The following PODXL2 variants were observed in gnomAD, a reference collection of about 807,000 sequenced individuals.
The protein encoded by PODXL2 is podocalyxin like 2.
Under a neutral mutation model 53.4 loss-of-function variants are expected in PODXL2, and 17 were observed. That is an observed-to-expected ratio of 0.32 (90% CI 0.22 to 0.48). PODXL2 has a LOEUF of 0.48. Ranked by LOEUF, PODXL2 falls within the 20% of genes least tolerant of loss-of-function variation. PODXL2 has a pLI of 0.99. For missense variants in PODXL2, 673 were observed against 760.0 expected, an observed-to-expected ratio of 0.89 and a Z score of 1.35; for synonymous variants, 311 against 306.7, an observed-to-expected ratio of 1.01 and a Z score of -0.15.
rs1473160725 is a variant in PODXL2 at position 127,672,735 on chromosome 3, C to T, written c.*255C>T. On this transcript the variant is annotated 3_prime_UTR_variant, in exon 8 of 8. Coordinates refer to ENST00000342480, the MANE Select transcript of PODXL2 (RefSeq NM_015720.4). ...CGCCCCTGAACCCCGGCCCCGCGGG[C>T]GGCGGGCGGCGCTTCCTGCGCCCCG... is the stretch of plus-strand genomic sequence containing the variant. 1.5e-5 allele frequency: 6 copies of T among 408,280 alleles called. No homozygotes were observed. Among genetic ancestry groups the T allele is most frequent in the Non-Finnish European group, 2.6e-5 (6 of 234,694 alleles). The allele number at this position is 408,280 out of a possible 1,614,324, so 25.3% of individuals were successfully genotyped here. A position where few individuals can be genotyped will look rare whatever the true frequency, so the allele number is the denominator to read the frequency against.
chr3:127,639,568 T>C (rs1429096730), intron 2 of PODXL2, 45 bp downstream of exon 2: 1 of 1,539,294 alleles, frequency 6.5e-7, no homozygotes, highest in African/African-American at 1.4e-5. Flanking sequence ...GCCAGCCAAG[T>C]GTCTAGGCAA....
At chr3:127,660,019 G>T (rs1387230451) in intron 2 of PODXL2, among the ~76,000 whole-genome samples, 1 of 152,140 alleles carries the variant, frequency 6.6e-6, no homozygotes, top group African/African-American at 2.4e-5. Flanking sequence ...GTTGTTGTGG[G>T]ATCTTCTTGG....
At position 127,672,721 on chromosome 3, in the gene PODXL2, C is replaced by G. The variant is rs956488358; in HGVS notation, c.*241C>G. 4 of 420,480 alleles carry G rather than the reference C, an allele frequency of 9.5e-6. No individual in the cohort carries two copies. The highest frequency in any genetic ancestry group is 8.3e-6 in the Non-Finnish European group (2 of 242,398). The allele number at this position is 420,480 out of a possible 1,614,324, so 26.0% of individuals were successfully genotyped here. ...TGGCCCCGCTTTCCCGCCCCTGAAC[C>G]CCGGCCCCGCGGGCGGCGGGCGGCG... On this transcript the variant is annotated 3_prime_UTR_variant, in exon 8 of 8. Coordinates refer to ENST00000342480, the MANE Select transcript of PODXL2 (RefSeq NM_015720.4).
At chr3:127,649,250 G>T (rs1430344456) in intron 2 of PODXL2, among the ~76,000 whole-genome samples, 1 of 152,244 alleles carries the variant, frequency 6.6e-6, no homozygotes, top group Non-Finnish European at 1.5e-5. Context: ...GTTCAAGGCT[G>T]CCATGGTCTC....
chr3:127,659,351 C>A (rs1245148036), intron 2 of PODXL2, among the ~76,000 whole-genome samples: 3 of 152,084 alleles, frequency 2.0e-5, no homozygotes, highest in Admixed American at 6.5e-5. Flanking sequence ...CCAGAAATTT[C>A]TCTAAAATGT....
At chr3:127,643,621 T>C (rs529810166) in intron 2 of PODXL2, among the ~76,000 whole-genome samples, 17 of 152,192 alleles carry the variant, frequency 1.1e-4, no homozygotes, top group Non-Finnish European at 2.4e-4. Context: ...TTTTTTTTAA[T>C]GTAAATTCTT....
Position 127,660,780 on chromosome 3 carries a change from C to A in PODXL2, c.752C>A (p.Thr251Asn). Residue 251 changes from threonine (T) to asparagine (N), a missense_variant, in exon 3 of 8, where the codon ACT (threonine) becomes AAT (asparagine). Transcript: ENST00000342480. The part of the protein sequence containing the change: ...PSLLLPSVTP[T>N]TVTPGDQDST... ...TTGCTGCTGCCTTCAGTCACCCCAA[C>A]TACAGTGACTCCGGGGGACCAGGAC... 2 of 1,614,154 alleles carry A rather than the reference C, an allele frequency of 1.2e-6. No homozygotes were observed. Among genetic ancestry groups the A allele is most frequent in the Non-Finnish European group, 1.7e-6 (2 of 1,180,006 alleles).
At chr3:127,660,332 A>C in intron 2 of PODXL2, 46 bp from the exon 3 acceptor site, 4 of 1,588,968 alleles carry the variant, frequency 2.5e-6, no homozygotes, top group Non-Finnish European at 3.4e-6. Context: ...TGAGTAAAGC[A>C]ATGAATGATG....
chr3:127,631,882 G>A (rs2074548961), intron 1 of PODXL2, among the ~76,000 whole-genome samples: 1 of 152,182 alleles, frequency 6.6e-6, no homozygotes, highest in Admixed American at 6.5e-5. Context: ...GAAAAGGAAT[G>A]AAAAACCGGG....
chr3:127,655,587 A>G (rs977665150), intron 2 of PODXL2, among the ~76,000 whole-genome samples: 1 of 152,202 alleles, frequency 6.6e-6, no homozygotes, highest in Non-Finnish European at 1.5e-5. Flanking sequence ...AAAGGGAGAC[A>G]CATGGAGGTT....
intron 2 of PODXL2, among the ~76,000 whole-genome samples, chr3:127,658,301 C>G (rs539779968): frequency 6.6e-6 from 1 of 151,802 alleles, no homozygotes; most frequent in South Asian, 2.1e-4. Flanking sequence ...AGAGCTCTCT[C>G]TGTGTGTTCT....
intron 4 of PODXL2, among the ~76,000 whole-genome samples, chr3:127,663,254 C>A (rs1016166211): frequency 6.6e-6 from 1 of 152,218 alleles, no homozygotes; most frequent in African/African-American, 2.4e-5. Flanking sequence ...ACCAGGGCCC[C>A]TATTCCGGGG....
chr3:127,629,442 C>T lies in PODXL2; in HGVS notation c.70+153C>T, dbSNP rs956519674. 2.0e-5 allele frequency among the ~76,000 whole-genome samples: 3 copies of T among 149,498 alleles called. No homozygotes were observed. Among genetic ancestry groups the T allele is most frequent in the Non-Finnish European group, 4.5e-5 (3 of 67,082 alleles). On this transcript the variant is annotated intron_variant, in intron 1 of 7. Transcript: ENST00000342480. This position sits in a 1 kb window ranked among gnomAD's most constrained non-coding sequence, Gnocchi z 6.4. ...GGCCGCGGCGCCGCCCCGACACACGCGCACGAGGAGTGGGTGCGTGGGGGC... is the reference window on the plus strand; with the variant it reads ...GGCCGCGGCGCCGCCCCGACACACGTGCACGAGGAGTGGGTGCGTGGGGGC...
chr3:127,662,927 G>C (rs986149117), intron 4 of PODXL2, among the ~76,000 whole-genome samples: 1 of 152,200 alleles, frequency 6.6e-6, no homozygotes, highest in Non-Finnish European at 1.5e-5. Flanking sequence ...CTGGGAGCTG[G>C]GGTGGAGAGA....
intron 2 of PODXL2, among the ~76,000 whole-genome samples, chr3:127,650,285 C>G (rs377255671): frequency 1.3e-5 from 2 of 152,132 alleles, no homozygotes; most frequent in South Asian, 2.1e-4. Context: ...GGAAAGAAAC[C>G]TATACAGAAC....
rs2074849755 is a variant in PODXL2 at position 127,672,116 on chromosome 3, A to G, written c.1606-152A>G. The G allele has an allele frequency of 4.8e-6, 3 of 624,140 alleles. No individual in the cohort carries two copies. The Admixed American group carries it at 8.4e-5, about 17-fold the overall frequency. 38.7% of individuals were successfully genotyped at this position (624,140 alleles called of 1,614,324 possible). On this transcript the variant is annotated intron_variant, in intron 7 of 7. Transcript: ENST00000342480. ...ACGACTAGTAGGTTTATTTTGAGAA[A>G]GGAGTTGAGCTGCAGCAACAGAAAA...
Position 127,629,265 on chromosome 3 carries a change from C to T in PODXL2, c.46C>T (p.Pro16Ser). 9.8e-7 allele frequency: 1 copy of T among 1,015,256 alleles called. No homozygotes were observed. Among genetic ancestry groups the T allele is most frequent in the Non-Finnish European group, 1.2e-6 (1 of 849,484 alleles). 62.9% of individuals were successfully genotyped at this position (1,015,256 alleles called of 1,614,324 possible). A position where few individuals can be genotyped will look rare whatever the true frequency, so the allele number is the denominator to read the frequency against. ...RAARLPPLLS[P>S]LLLLLVGGAF... ...CGCCCGGCTGCCGCCGCTGCTTTCG[C>T]CGCTGCTGCTTCTGCTGGTTGGGGG... The change falls in exon 1 of 8, where the codon CCG (proline) becomes TCG (serine). Residue 16 changes from proline to serine, a missense_variant. Physicochemically the swap from Pro to Ser is moderately conservative, Grantham distance 74. This residue lies in a region of PODXL2 where 588 missense variants were observed against 668.3 expected (regional missense o/e 0.88). Transcript: ENST00000342480. The surrounding 1 kb of genome is among the most constrained non-coding windows in gnomAD (Gnocchi z 6.4).
At position 127,672,753 on chromosome 3, in the gene PODXL2, G is replaced by T. The variant is rs2074864565; in HGVS notation, c.*273G>T. ...CCGCGGGCGGCGGGCGGCGCTTCCT[G>T]CGCCCCGGGACTCAATTAAACCCGC... On this transcript the variant is annotated 3_prime_UTR_variant, in exon 8 of 8. Coordinates refer to ENST00000342480, the MANE Select transcript of PODXL2 (RefSeq NM_015720.4). 1 of 400,730 alleles carries T rather than the reference G, an allele frequency of 2.5e-6. No homozygotes were observed. Among genetic ancestry groups the T allele is most frequent in the South Asian group, 7.2e-5 (1 of 13,914 alleles). 24.8% of individuals were successfully genotyped at this position (400,730 alleles called of 1,614,324 possible).
intron 2 of PODXL2, among the ~76,000 whole-genome samples, chr3:127,649,950 G>T (rs565705393): frequency 6.6e-6 from 1 of 152,110 alleles, no homozygotes; most frequent in African/African-American, 2.4e-5. Context: ...TAAAAAAGTA[G>T]TTTTAAGTTA....
Sources: gnomAD v4.1 joint callset for allele counts (sites outside exome capture counted in the v4.1 genomes callset) on GRCh38, gnomAD v4.1.1 for gene constraint, gnomAD v4.1.1 regional missense constraint, Gnocchi (gnomAD v3.1) non-coding constraint, MANE v1.5 for transcripts, NCBI Gene and HGNC (gene_info 2026-07-23, HGNC 2026-07-21) for gene names.